AGBL1: variants seen among roughly 807,000 people sequenced by gnomAD.
The protein encoded by AGBL1 is AGBL carboxypeptidase 1.
AGBL1 carries 130 observed loss-of-function variants against 118.9 expected under a neutral mutation model. The observed-to-expected ratio is 1.09, with a 90% CI of 0.95 to 1.26. The LOEUF is 1.26. AGBL1 is among the 50% of genes most tolerant of loss of function. The pLI, the probability that AGBL1 is intolerant of heterozygous loss-of-function variation, is 0.00. For synonymous variants in AGBL1, 555 were observed against 478.9 expected (o/e 1.16, Z -2.08); for missense variants, 1,584 against 1,298.1 (o/e 1.22, Z -3.38).
intron 21 of AGBL1, among the ~76,000 whole-genome samples, chr15:86,588,602 A>G (rs1224274272): frequency 6.6e-6 from 1 of 152,136 alleles, no homozygotes; most frequent in African/African-American, 2.4e-5. Context: ...GGCAACCACA[A>G]CCTGATCAAA....
chr15:86,758,966 C>CA lies in AGBL1; in HGVS notation c.3158+84548dup, dbSNP rs80297816. Among the ~76,000 whole-genome samples the CA allele has an allele frequency of 6.8e-3, 550 of 80,386 alleles. 4 individuals are homozygous for CA. Among genetic ancestry groups the CA allele is most frequent in the Middle Eastern group, 0.024 (3 of 124 alleles). 52.7% of individuals were successfully genotyped at this position (80,386 alleles called of 152,430 possible). ...CCAGCCTGGATGACAGACACCCTGT[C>CA]AAAAAAAAAAAAAAAAAAGAAAAAA... On this transcript the variant is annotated intron_variant, in intron 22 of 22. Coordinates refer to ENST00000614907, the MANE Select transcript of AGBL1 (RefSeq NM_001386094.1).
intron 19 of AGBL1, among the ~76,000 whole-genome samples, chr15:86,544,437 G>C (rs982391576): frequency 2.0e-5 from 3 of 152,138 alleles, no homozygotes; most frequent in African/African-American, 7.2e-5. Flanking sequence ...GTATTAGTCT[G>C]TTCTTATGCT....
intron 16 of AGBL1, among the ~76,000 whole-genome samples, chr15:86,281,311 A>AGGTTG (rs1482201870): frequency 1.3e-5 from 2 of 152,128 alleles, no homozygotes; most frequent in African/African-American, 2.4e-5. Context: ...TGGGCTCAGG[A>AGGTTG]GGTTGAGGCT....
intron 5 of AGBL1, among the ~76,000 whole-genome samples, chr15:86,175,750 T>C (rs2077473812): frequency 6.6e-6 from 1 of 152,242 alleles, no homozygotes; most frequent in Non-Finnish European, 1.5e-5. Flanking sequence ...GTGTCTTCCT[T>C]GACTCAATGG....
chr15:86,280,217 C>T (rs2079328269), intron 16 of AGBL1, among the ~76,000 whole-genome samples: 1 of 152,166 alleles, frequency 6.6e-6, no homozygotes, highest in African/African-American at 2.4e-5. Context: ...TGGGAAACTT[C>T]TGAGTCTGTG....
At chr15:86,835,542 A>G (rs1202794567) in intron 22 of AGBL1, among the ~76,000 whole-genome samples, 1 of 152,148 alleles carries the variant, frequency 6.6e-6, no homozygotes, top group Non-Finnish European at 1.5e-5. Context: ...ATTCTATAAG[A>G]GATGTCTATG....
At chr15:86,917,332 G>A (rs1012876439), downstream of AGBL1, among the ~76,000 whole-genome samples, 4 of 152,132 alleles carry the variant, frequency 2.6e-5, no homozygotes, top group African/African-American at 4.8e-5. This position sits in a 1 kb window ranked among gnomAD's most constrained non-coding sequence, Gnocchi z 4.8. Flanking sequence ...TGCCCTCATC[G>A]ACCTTGTCTC....
intron 21 of AGBL1, among the ~76,000 whole-genome samples, chr15:86,649,946 T>C (rs1224316515): frequency 6.6e-6 from 1 of 152,238 alleles, no homozygotes; most frequent in Non-Finnish European, 1.5e-5. Context: ...CCAATCAATT[T>C]AACCATGAAA....
intron 22 of AGBL1, among the ~76,000 whole-genome samples, chr15:86,828,693 G>T (rs1204129182): frequency 6.6e-6 from 1 of 152,116 alleles, no homozygotes. Flanking sequence ...ATTAGTTACA[G>T]ACATCTTGTC....
chr15:86,593,967 G>A (rs1173761831), intron 21 of AGBL1, among the ~76,000 whole-genome samples: 2 of 151,612 alleles, frequency 1.3e-5, no homozygotes, highest in African/African-American at 4.9e-5. Context: ...CTGTCACTCA[G>A]GTTGGAGTGC....
chr15:86,451,152 T>C (rs2082187519), intron 18 of AGBL1, among the ~76,000 whole-genome samples: 1 of 152,232 alleles, frequency 6.6e-6, no homozygotes, highest in Admixed American at 6.5e-5. Context: ...GTTTTATGCC[T>C]GAACTGGTTA....
chr15:87,012,024 A>C (rs1222952032), intron 24 of AGBL1, among the ~76,000 whole-genome samples: 2 of 152,152 alleles, frequency 1.3e-5, no homozygotes, highest in African/African-American at 4.8e-5. Flanking sequence ...TCTTCTGTTG[A>C]GGTTTATAAA....
chr15:86,926,675 A>G (rs1331744345), intron 23 of AGBL1, among the ~76,000 whole-genome samples: 1 of 152,234 alleles, frequency 6.6e-6, no homozygotes, highest in Non-Finnish European at 1.5e-5. Context: ...TTTGAGACAC[A>G]TGTAGAATAA....
At chr15:86,775,013 C>CA (rs1339431928) in intron 22 of AGBL1, among the ~76,000 whole-genome samples, 1 of 152,084 alleles carries the variant, frequency 6.6e-6, no homozygotes, top group East Asian at 1.9e-4. Flanking sequence ...ATTCATATCC[C>CA]AAAAAATACA....
At chr15:86,713,703 C>T (rs1017410395) in intron 22 of AGBL1, among the ~76,000 whole-genome samples, 1 of 152,114 alleles carries the variant, frequency 6.6e-6, no homozygotes, top group Non-Finnish European at 1.5e-5. Context: ...TAAAGCACTG[C>T]TCCTCCAGGG....
chr15:86,219,609 G>C (rs1321335882), intron 5 of AGBL1, among the ~76,000 whole-genome samples: 1 of 151,910 alleles, frequency 6.6e-6, no homozygotes, highest in African/African-American at 2.4e-5. Flanking sequence ...CCTGTGACTT[G>C]CTTCTCCTTG....
At chr15:86,438,024 G>C (rs1024911948) in intron 18 of AGBL1, among the ~76,000 whole-genome samples, 4 of 152,072 alleles carry the variant, frequency 2.6e-5, no homozygotes, top group African/African-American at 9.7e-5. Flanking sequence ...TCCTGCCTCA[G>C]CCTCCAGAGT....
intron 21 of AGBL1, among the ~76,000 whole-genome samples, chr15:86,644,291 G>A (rs1347913626): frequency 6.6e-6 from 1 of 152,054 alleles, no homozygotes. Flanking sequence ...GGAGTACTTG[G>A]GGAGGCTGAG....
chr15:86,757,116 A>G (rs779519405), intron 22 of AGBL1, among the ~76,000 whole-genome samples: 2 of 152,074 alleles, frequency 1.3e-5, no homozygotes, highest in African/African-American at 4.8e-5. Flanking sequence ...ATAAATTCCT[A>G]TCATCTCTGA....
Sources: allele counts gnomAD v4.1 joint callset (sites outside exome capture counted in the v4.1 genomes callset), GRCh38; gene constraint gnomAD v4.1.1; non-coding constraint Gnocchi (gnomAD v3.1); transcripts MANE v1.5; gene names NCBI Gene and HGNC (gene_info 2026-07-23, HGNC 2026-07-21).